STRN3: variants seen among roughly 807,000 people sequenced by gnomAD.
The protein encoded by STRN3 is striatin-3.
STRN3 carries 29 observed loss-of-function variants against 95.6 expected under a neutral mutation model. That is an observed-to-expected ratio of 0.30 (90% confidence interval 0.23 to 0.41). The LOEUF (loss-of-function observed/expected upper bound fraction) is 0.41, where lower values mean the gene tolerates loss of function less well. STRN3 is among the 10% of genes least tolerant of loss of function. STRN3 has a pLI of 1.00. For missense variants in STRN3, 890 were observed against 972.1 expected (o/e 0.92, Z 1.12); for synonymous variants, 331 against 357.6 (o/e 0.93, Z 0.84).
intron 1 of STRN3, among the ~76,000 whole-genome samples, chr14:30,989,876 T>C (rs1425887299): frequency 6.6e-6 from 1 of 151,916 alleles, no homozygotes; most frequent in Non-Finnish European, 1.5e-5. Context: ...ATCTATGAAA[T>C]GGGATGATTA....
At chr14:30,952,108 A>C (rs908738841) in intron 3 of STRN3, among the ~76,000 whole-genome samples, 4 of 135,352 alleles carry the variant, frequency 3.0e-5, no homozygotes, top group African/African-American at 1.1e-4. Context: ...ACAGAGCGAG[A>C]CCCTGTCTTA....
Position 31,026,083 on chromosome 14 carries a change from TC to T in STRN3, c.102del (p.Asn35ThrfsTer76), listed in dbSNP as rs2139378587. ...PGGNLGLSPG[G>X]NGAAGGGGPP... is the part of the protein sequence containing the mutation. ...GGACCCCCGCCGCCCGCCGCTCCGT[TC>T]CCCCCGGGCGAAAGGCCCAGGTTCC... On this transcript the variant is annotated frameshift_variant, in exon 1 of 18. Transcript: ENST00000357479. LOFTEE classifies it high-confidence loss of function. The T allele has an allele frequency of 6.5e-6, 10 of 1,527,880 alleles. No individual in the cohort carries two copies. The highest frequency in any genetic ancestry group is 2.8e-5 in the African/African-American group (2 of 70,244). The allele number at this position is 1,527,880 out of a possible 1,614,324, so 94.6% of individuals were successfully genotyped here. A position where few individuals can be genotyped will look rare whatever the true frequency, so the allele number is the denominator to read the frequency against.
intron 1 of STRN3, among the ~76,000 whole-genome samples, chr14:31,008,960 G>T (rs1311725453): frequency 6.6e-6 from 1 of 151,906 alleles, no homozygotes; most frequent in Admixed American, 6.6e-5. Flanking sequence ...GACCACTTGA[G>T]CCCAGGAGGT....
chr14:30,911,172 G>C lies in STRN3; in HGVS notation c.1599-10C>G. On this transcript the variant is annotated splice_polypyrimidine_tract_variant and intron_variant, in intron 12 of 17. Coordinates refer to ENST00000357479, the MANE Select transcript of STRN3 (RefSeq NM_001083893.2). ...TGACAGAACAGGGCCGCTATTGTAG[G>C]AAGAGAGGAAAAACAAATTACTGAT... 6.2e-7 allele frequency: 1 copy of C among 1,603,322 alleles called. No individual in the cohort carries two copies. The highest frequency in any genetic ancestry group is 8.5e-7 in the Non-Finnish European group (1 of 1,176,852).
At position 30,933,266 on chromosome 14, in the gene STRN3, G is replaced by A. The variant is rs568900989; in HGVS notation, c.988+1897C>T. On this transcript the variant is annotated intron_variant, in intron 7 of 17. Coordinates refer to ENST00000357479, the MANE Select transcript of STRN3 (RefSeq NM_001083893.2). ...GGCACCCCAGCCTGGGCAATAAAGC[G>A]AGACCCTGTTTCATAAAAAAAAAAA... is the stretch of plus-strand genomic sequence containing the variant. Among the ~76,000 whole-genome samples the A allele has an allele frequency of 3.5e-4, 35 of 99,268 alleles. No homozygotes were observed. The East Asian group carries it at 8.0e-3, about 23-fold the overall frequency. 65.1% of individuals were successfully genotyped at this position (99,268 alleles called of 152,430 possible).
chr14:30,924,372 C>T (rs1164665467), intron 8 of STRN3, among the ~76,000 whole-genome samples: 3 of 137,482 alleles, frequency 2.2e-5, no homozygotes, highest in African/African-American at 8.0e-5. Context: ...ACTGCAACCT[C>T]CGTCTCCTGG....
chr14:30,914,046 C>T (rs1399756698), intron 9 of STRN3, among the ~76,000 whole-genome samples: 1 of 152,100 alleles, frequency 6.6e-6, no homozygotes, highest in Non-Finnish European at 1.5e-5. Context: ...GAAACCTCTA[C>T]CATGGACCTC....
At position 30,915,149 on chromosome 14, in the gene STRN3, T is replaced by C. The variant is rs538654997; in HGVS notation, c.1241-1492A>G. Among the ~76,000 whole-genome samples, 7 of 152,228 alleles carry C rather than the reference T, an allele frequency of 4.6e-5. No homozygotes were observed. In the South Asian group the frequency reaches 8.3e-4, roughly 18 times the overall value. ...CACATTATACAAAAAATCAAGCTGA[T>C]TATCAATTTTAAAAAAATTCCCATG... On this transcript the variant is annotated intron_variant, in intron 9 of 17. Coordinates refer to ENST00000357479, the MANE Select transcript of STRN3 (RefSeq NM_001083893.2).
At chr14:30,897,572 G>A (rs1896192276) in intron 16 of STRN3, among the ~76,000 whole-genome samples, 1 of 152,166 alleles carries the variant, frequency 6.6e-6, no homozygotes, top group African/African-American at 2.4e-5. Context: ...GTGACAGAGT[G>A]AGACTCCGTC....
chr14:30,983,322 C>T (rs75860126), intron 1 of STRN3, among the ~76,000 whole-genome samples: 16,283 of 152,154 alleles, frequency 0.11, 1,058 homozygotes, highest in South Asian at 0.29. Context: ...GTGGGAGGAT[C>T]GCCTGAGGTC....
In STRN3 at chr14:31,018,010, G is replaced by A. The variant is rs55634176; in HGVS notation, c.282+7894C>T. On this transcript the variant is annotated intron_variant, in intron 1 of 17. Transcript: ENST00000357479. ...GGAGAATTGCTTGAACCTGGGAGGC[G>A]GAGGTTACAGTGAGCCGGGATTGCG... 3.9e-3 allele frequency among the ~76,000 whole-genome samples: 585 copies of A among 150,996 alleles called. 2 individuals carry two copies. Among genetic ancestry groups the A allele is most frequent in the African/African-American group, 0.013 (540 of 41,062 alleles).
At chr14:30,939,101 A>G (rs576312540) in intron 5 of STRN3, among the ~76,000 whole-genome samples, 53 of 152,330 alleles carry the variant, frequency 3.5e-4, no homozygotes, top group East Asian at 1.4e-3. Flanking sequence ...GGAGGTAATC[A>G]GGTAGATGTT....
intron 16 of STRN3, among the ~76,000 whole-genome samples, 174 bp from the exon 17 acceptor site, chr14:30,895,922 T>C (rs1896134195): frequency 6.6e-6 from 1 of 152,224 alleles, no homozygotes. Flanking sequence ...CAATCCTGTG[T>C]CTTTTAGAAC....
intron 9 of STRN3, among the ~76,000 whole-genome samples, chr14:30,916,425 C>T (rs1411949803): frequency 6.6e-6 from 1 of 151,848 alleles, no homozygotes; most frequent in East Asian, 1.9e-4. Flanking sequence ...CAGGCGCCCG[C>T]CACCACGCCC....
intron 1 of STRN3, among the ~76,000 whole-genome samples, chr14:31,004,388 C>T (rs1011163773): frequency 3.3e-5 from 5 of 152,058 alleles, no homozygotes; most frequent in African/African-American, 1.2e-4. Flanking sequence ...TCACTTAAGC[C>T]ATTGCATTCC....
chr14:30,950,768 T>G, intron 4 of STRN3, 95 bp downstream of exon 4: 1 of 1,160,898 alleles, frequency 8.6e-7, no homozygotes, highest in Non-Finnish European at 1.2e-6. Flanking sequence ...AACATACACA[T>G]TGTCCCAATA....
chr14:30,970,677 A>G lies in STRN3; in HGVS notation c.283-14435T>C, dbSNP rs1880784008. Among the ~76,000 whole-genome samples the G allele has an allele frequency of 2.0e-5, 3 of 152,180 alleles. No individual in the cohort carries two copies. The South Asian group carries it at 6.2e-4, about 32-fold the overall frequency. On this transcript the variant is annotated intron_variant, in intron 1 of 17. Coordinates refer to ENST00000357479, the MANE Select transcript of STRN3 (RefSeq NM_001083893.2). ...TAAGCCTTTTTCCAAAACCTCTCAC[A>G]AGGGAACCATTGTTCCTCCTCCATC...
chr14:31,014,984 T>C (rs1212647206), intron 1 of STRN3, among the ~76,000 whole-genome samples: 3 of 151,964 alleles, frequency 2.0e-5, no homozygotes, highest in Non-Finnish European at 4.4e-5. Context: ...TGCGCCACCA[T>C]GCCCGGCTAA....
chr14:31,015,747 A>G (rs772912319), intron 1 of STRN3, among the ~76,000 whole-genome samples: 1 of 152,160 alleles, frequency 6.6e-6, no homozygotes, highest in Non-Finnish European at 1.5e-5. Context: ...CAGGCCTTGG[A>G]AAGCAGCTGC....
Sources: allele counts gnomAD v4.1 joint callset (sites outside exome capture counted in the v4.1 genomes callset), GRCh38; gene constraint gnomAD v4.1.1; transcripts MANE v1.5; gene names NCBI Gene and HGNC (gene_info 2026-07-23, HGNC 2026-07-21).